Variants in MALRD1 observed in about 807,000 individuals in gnomAD.
The protein encoded by MALRD1 is MAM and LDL receptor class A domain containing 1.
Under a neutral mutation model 242.1 loss-of-function variants are expected in MALRD1, and 247 were observed. That is an observed-to-expected ratio of 1.02 (90% CI 0.92 to 1.13). The LOEUF (loss-of-function observed/expected upper bound fraction) is 1.13. MALRD1 is among the 50% of genes most tolerant of loss of function. The pLI, the probability that MALRD1 is intolerant of heterozygous loss-of-function variation, is 0.00. For synonymous variants in MALRD1, 995 were observed against 866.6 expected (o/e 1.15, Z -2.60); for missense variants, 2,989 against 2,533.1 (o/e 1.18, Z -3.86).
chr10:19,102,493 T>C (rs903821840), intron 4 of MALRD1, among the ~76,000 whole-genome samples: 22 of 152,192 alleles, frequency 1.4e-4, no homozygotes, highest in African/African-American at 5.3e-4. Context: ...CAGCATATTG[T>C]ACAGGGATGA....
intron 33 of MALRD1, among the ~76,000 whole-genome samples, chr10:19,578,625 G>T (rs1038906624): frequency 2.0e-5 from 3 of 152,180 alleles, no homozygotes; most frequent in African/African-American, 4.8e-5. Context: ...CCAGGAGGCG[G>T]AGGTTGCAGT....
intron 31 of MALRD1, among the ~76,000 whole-genome samples, chr10:19,509,241 C>G (rs894725269): frequency 2.0e-5 from 3 of 152,098 alleles, no homozygotes; most frequent in Non-Finnish European, 2.9e-5. Context: ...TCAGAGAGCT[C>G]CACCCTTCAG....
intron 26 of MALRD1, among the ~76,000 whole-genome samples, chr10:19,368,188 T>C (rs1367336977): frequency 6.6e-6 from 1 of 152,114 alleles, no homozygotes; most frequent in African/African-American, 2.4e-5. Context: ...TACTCATGAA[T>C]TGAGTTCCCA....
rs114150773 is a variant in MALRD1, at chr10:19,432,990, T to C, written c.4846-17317T>C. ...TTACGTAATACACTTGTAATGCGTCTGCACACATATATGTATATATAGATA... is the reference window on the plus strand; with the variant it reads ...TTACGTAATACACTTGTAATGCGTCCGCACACATATATGTATATATAGATA... On this transcript the variant is annotated intron_variant, in intron 28 of 39. Coordinates refer to ENST00000454679, the MANE Select transcript of MALRD1 (RefSeq NM_001142308.3). Among the ~76,000 whole-genome samples, 319 of 152,384 alleles carry C rather than the reference T, an allele frequency of 2.1e-3. 1 individual carries two copies. The highest frequency in any genetic ancestry group is 6.8e-3 in the African/African-American group (284 of 41,600).
intron 38 of MALRD1, among the ~76,000 whole-genome samples, chr10:19,696,581 C>T (rs1833386942): frequency 6.6e-6 from 1 of 151,808 alleles, no homozygotes; most frequent in Non-Finnish European, 1.5e-5. Flanking sequence ...TTATGGTGTT[C>T]ATTAGAAAAA....
intron 21 of MALRD1, among the ~76,000 whole-genome samples, chr10:19,316,835 T>A (rs1430490409): frequency 6.6e-6 from 1 of 151,760 alleles, no homozygotes; most frequent in Non-Finnish European, 1.5e-5. Context: ...AAAAATAGAA[T>A]GATTAAGACT....
intron 9 of MALRD1, among the ~76,000 whole-genome samples, chr10:19,134,438 G>C (rs1833247695): frequency 6.6e-6 from 1 of 152,158 alleles, no homozygotes; most frequent in Admixed American, 6.5e-5. Context: ...TATTAGGTTG[G>C]TGCAAATGTA....
chr10:19,528,547 C>A (rs763077223), intron 31 of MALRD1, among the ~76,000 whole-genome samples: 1 of 152,104 alleles, frequency 6.6e-6, no homozygotes, highest in Non-Finnish European at 1.5e-5. Context: ...GAGCCAATAT[C>A]GTGCCGTTGC....
intron 21 of MALRD1, among the ~76,000 whole-genome samples, chr10:19,314,874 G>A (rs1175882118): frequency 2.6e-5 from 4 of 151,078 alleles, no homozygotes; most frequent in African/African-American, 7.3e-5. Context: ...TCTCTTGATC[G>A]TTAGGTATAA....
rs1554810194 is a variant in MALRD1, at chr10:19,204,284, T to TG, written c.2105-24_2105-23insG. ...GAATCCAATAGGTTAATGAAGCGTT[T>TG]TTTTTTTTTTTTTATCTCAACAGGG... is the stretch of plus-strand genomic sequence containing the variant. On this transcript the variant is annotated intron_variant, in intron 15 of 39. Transcript: ENST00000454679. The TG allele has an allele frequency of 1.2e-5, 15 of 1,243,364 alleles. No individual in the cohort carries two copies. The South Asian group carries it at 2.1e-4, about 17-fold the overall frequency. 77.0% of individuals were successfully genotyped at this position (1,243,364 alleles called of 1,614,324 possible). A position where few individuals can be genotyped will look rare whatever the true frequency, so the allele number is the denominator to read the frequency against.
chr10:19,447,069 G>GAC (rs374350237), intron 28 of MALRD1, among the ~76,000 whole-genome samples: 12,513 of 141,720 alleles, frequency 0.088, 821 homozygotes, highest in African/African-American at 0.19. Context: ...CACATACACA[G>GAC]ACACACACAC....
intron 28 of MALRD1, among the ~76,000 whole-genome samples, chr10:19,406,205 T>C (rs1210813345): frequency 6.6e-6 from 1 of 152,172 alleles, no homozygotes; most frequent in East Asian, 1.9e-4. Flanking sequence ...TTAGGTAAAG[T>C]TTTCTAAAAT....
At chr10:19,268,979 A>C (rs1840082002) in intron 19 of MALRD1, among the ~76,000 whole-genome samples, 1 of 152,170 alleles carries the variant, frequency 6.6e-6, no homozygotes, top group South Asian at 2.1e-4. Flanking sequence ...GATCAGATCA[A>C]ACCAGACTAA....
intron 29 of MALRD1, among the ~76,000 whole-genome samples, chr10:19,460,421 G>C (rs115991602): frequency 6.7e-6 from 1 of 148,492 alleles, no homozygotes; most frequent in African/African-American, 2.5e-5. Flanking sequence ...TTAATGGAAC[G>C]CACACACAAA....
intron 28 of MALRD1, among the ~76,000 whole-genome samples, chr10:19,444,240 G>A (rs1834834364): frequency 1.3e-5 from 2 of 152,126 alleles, no homozygotes. Context: ...ACAGCACACT[G>A]ATGGGTCTTG....
intron 12 of MALRD1, among the ~76,000 whole-genome samples, chr10:19,163,313 T>C (rs1834522847): frequency 6.6e-6 from 1 of 151,894 alleles, no homozygotes; most frequent in African/African-American, 2.4e-5. Flanking sequence ...CTGCGGAATA[T>C]GCAGCCATAA....
chr10:19,494,547 A>C (rs1458397517), intron 30 of MALRD1, among the ~76,000 whole-genome samples: 1 of 152,202 alleles, frequency 6.6e-6, no homozygotes, highest in Non-Finnish European at 1.5e-5. Context: ...ATTATGCAGG[A>C]GCTGACGGAT....
At chr10:19,567,728 G>A (rs755861381) in intron 33 of MALRD1, 25 bp downstream of exon 33, 30 of 1,536,468 alleles carry the variant, frequency 2.0e-5, no homozygotes, top group Non-Finnish European at 2.6e-5. Context: ...CAGAAAATGG[G>A]AATAAGTATT....
At chr10:19,059,422 C>T (rs1227664709) in intron 1 of MALRD1, among the ~76,000 whole-genome samples, 1 of 152,118 alleles carries the variant, frequency 6.6e-6, no homozygotes, top group Non-Finnish European at 1.5e-5. Flanking sequence ...GATTCTTGCT[C>T]TGTTGCCCAG....
Sources: gnomAD v4.1 joint callset for allele counts (sites outside exome capture counted in the v4.1 genomes callset) on GRCh38, gnomAD v4.1.1 for gene constraint, MANE v1.5 for transcripts, NCBI Gene and HGNC (gene_info 2026-07-23, HGNC 2026-07-21) for gene names.